The following CNTN5 variants were observed in gnomAD, a reference collection of about 807,000 sequenced individuals.
The protein encoded by CNTN5 is contactin 5, also known as contactin-5.
Under a neutral mutation model 129.1 loss-of-function variants are expected in CNTN5, and 77 were observed. That is an observed-to-expected ratio of 0.60 (90% CI 0.50 to 0.72). The LOEUF is 0.72. Ranked by LOEUF, CNTN5 falls within the 30% of genes least tolerant of loss-of-function variation. The pLI is 0.00. For missense variants in CNTN5, 1,478 were observed against 1,328.8 expected, an observed-to-expected ratio of 1.11 and a Z score of -1.75; for synonymous variants, 509 against 465.6, an observed-to-expected ratio of 1.09 and a Z score of -1.20.
chr11:99,310,510 C>T (rs1248799782), intron 1 of CNTN5, among the ~76,000 whole-genome samples: 1 of 151,912 alleles, frequency 6.6e-6, no homozygotes, highest in African/African-American at 2.4e-5. Context: ...TACCTTTTTG[C>T]CCTTCTTTAC....
intron 21 of CNTN5, among the ~76,000 whole-genome samples, chr11:100,321,474 A>G (rs908492138): frequency 3.9e-5 from 6 of 152,056 alleles, no homozygotes; most frequent in African/African-American, 1.4e-4. Flanking sequence ...AGGGTTTCCT[A>G]TATGTTAGAT....
At chr11:99,031,493 T>C (rs911516506) in intron 1 of CNTN5, among the ~76,000 whole-genome samples, 4 of 151,978 alleles carry the variant, frequency 2.6e-5, no homozygotes, top group Non-Finnish European at 4.4e-5. Context: ...GAAAAATTTA[T>C]TGGGTCTGGA....
At position 99,460,462 on chromosome 11, in the gene CNTN5, A is replaced by T. The variant is rs898241993; in HGVS notation, c.-70-95683A>T. ...AAAGACATATTTACTCTCTTTAAATATCAGAAATATTGCAGTAAACAAACA... is the reference window on the plus strand; with the variant it reads ...AAAGACATATTTACTCTCTTTAAATTTCAGAAATATTGCAGTAAACAAACA... On this transcript the variant is annotated intron_variant, in intron 2 of 24. Transcript: ENST00000524871. 5.9e-5 allele frequency among the ~76,000 whole-genome samples: 9 copies of T among 152,076 alleles called. No individual in the cohort carries two copies. The South Asian group carries it at 1.9e-3, about 32-fold the overall frequency.
intron 2 of CNTN5, among the ~76,000 whole-genome samples, chr11:99,514,580 T>G (rs535296158): frequency 6.6e-6 from 1 of 152,128 alleles, no homozygotes; most frequent in African/African-American, 2.4e-5. Flanking sequence ...CCCAATAACA[T>G]TAAGGCAGGA....
intron 3 of CNTN5, among the ~76,000 whole-genome samples, chr11:99,688,575 T>TC (rs1953896916): frequency 1.3e-5 from 2 of 152,276 alleles, no homozygotes; most frequent in South Asian, 4.1e-4. Context: ...AATTTTTTTT[T>TC]CCACAGTGTT....
chr11:100,215,550 T>A (rs1219935783), intron 15 of CNTN5, among the ~76,000 whole-genome samples: 1 of 152,166 alleles, frequency 6.6e-6, no homozygotes, highest in Non-Finnish European at 1.5e-5. Flanking sequence ...AATAGTGTCA[T>A]GTTCAGCCGT....
At chr11:99,348,525 C>T (rs1938066933) in intron 2 of CNTN5, among the ~76,000 whole-genome samples, 2 of 152,118 alleles carry the variant, frequency 1.3e-5, no homozygotes, top group African/African-American at 4.8e-5. Context: ...TATATCTAAG[C>T]CTGCCAACTG....
chr11:99,641,509 A>G lies in CNTN5; in HGVS notation c.55+85240A>G, dbSNP rs138187834. Among the ~76,000 whole-genome samples, 1,004 of 152,280 alleles carry G rather than the reference A, an allele frequency of 6.6e-3. 7 individuals carry two copies. The highest frequency in any genetic ancestry group is 0.01 in the Non-Finnish European group (685 of 68,030). ...TTTAAAGGAGGAGACGTAGGAGGGC[A>G]TGTCCTGGAAGTTCACGGGTGGAGA... is the stretch of plus-strand genomic sequence containing the variant. On this transcript the variant is annotated intron_variant, in intron 3 of 24. Transcript: ENST00000524871.
chr11:99,513,827 T>C lies in CNTN5; in HGVS notation c.-70-42318T>C, dbSNP rs188203872. On this transcript the variant is annotated intron_variant, in intron 2 of 24. Coordinates refer to ENST00000524871, the MANE Select transcript of CNTN5 (RefSeq NM_014361.4). ...ATGGAGATGTACAAGGAGAGTAATG[T>C]TATTTTTATGCCTGTTAGCAGAATA... Among the ~76,000 whole-genome samples, 8 of 152,240 alleles carry C rather than the reference T, an allele frequency of 5.3e-5. No homozygotes were observed. In the East Asian group the frequency reaches 7.7e-4, roughly 15 times the overall value.
chr11:100,014,596 A>G (rs1233312244), intron 9 of CNTN5, among the ~76,000 whole-genome samples: 1 of 152,108 alleles, frequency 6.6e-6, no homozygotes, highest in Non-Finnish European at 1.5e-5. Context: ...AAATAATAAT[A>G]AATTAAAAAT....
chr11:100,253,963 C>CT (rs1242609549), intron 16 of CNTN5, among the ~76,000 whole-genome samples: 1 of 151,806 alleles, frequency 6.6e-6, no homozygotes, highest in Admixed American at 6.6e-5. Flanking sequence ...TCCTTGACTC[C>CT]TTTTTTTTAT....
intron 3 of CNTN5, among the ~76,000 whole-genome samples, chr11:99,648,332 A>G (rs1251763843): frequency 6.6e-6 from 1 of 151,574 alleles, no homozygotes; most frequent in African/African-American, 2.4e-5. Context: ...AGCATTACTA[A>G]TGATCAGGTA....
intron 2 of CNTN5, among the ~76,000 whole-genome samples, chr11:99,377,211 C>T (rs1195725299): frequency 6.6e-6 from 1 of 152,038 alleles, no homozygotes; most frequent in Non-Finnish European, 1.5e-5. Flanking sequence ...GAAAAAAAAG[C>T]AGTAGTCTCT....
At chr11:100,141,688 T>C (rs771632963) in intron 13 of CNTN5, among the ~76,000 whole-genome samples, 16 of 152,260 alleles carry the variant, frequency 1.1e-4, no homozygotes, top group Middle Eastern at 3.4e-3. Context: ...TAGAAATGAA[T>C]AAAATAGCGT....
chr11:99,099,265 A>T (rs773627153), intron 1 of CNTN5, among the ~76,000 whole-genome samples: 1 of 152,144 alleles, frequency 6.6e-6, no homozygotes, highest in Non-Finnish European at 1.5e-5. Context: ...AATCTTAAAG[A>T]TATTAGTATA....
In CNTN5 at chr11:99,819,650, C is replaced by G. The variant is rs1946727133; in HGVS notation, c.162C>G (p.Tyr54Ter). ...SLFGSKTRPR[Y>*]SSPSLGTLSA... ...TTGGTTCCAAAACCAGACCACGATA[C>G]AGCAGCCCTTCATTAGGAACACTGA... Residue 54 changes from tyrosine (Y) to a stop codon, truncating the protein, a stop_gained, in exon 4 of 25, where the codon TAC becomes TAG. Transcript: ENST00000524871. LOFTEE classifies it high-confidence loss of function. 6.2e-7 allele frequency: 1 copy of G among 1,613,000 alleles called. No individual in the cohort carries two copies. Among genetic ancestry groups the G allele is most frequent in the Non-Finnish European group, 8.5e-7 (1 of 1,179,814 alleles).
In CNTN5 at chr11:100,074,273, G is replaced by A. The variant is rs767784083; in HGVS notation, c.1559G>A (p.Arg520Lys). 1.2e-6 allele frequency: 2 copies of A among 1,604,140 alleles called. No individual in the cohort carries two copies. Among genetic ancestry groups the A allele is most frequent in the Non-Finnish European group, 1.7e-6 (2 of 1,174,992 alleles). ...ACCATCTCTTGGAAGAAAGGAGACA[G>A]AGCAGTTAGAGAAAACAAAAGGTTA... ...KPTISWKKGDRAVRENKRIAI... is the reference protein window; with the variant it reads ...KPTISWKKGDKAVRENKRIAI... Residue 520 changes from arginine (R) to lysine (K), a missense_variant, in exon 13 of 25, where the codon AGA (arginine) becomes AAA (lysine). Physicochemically the swap from Arg to Lys is conservative, Grantham distance 26. Coordinates refer to ENST00000524871, the MANE Select transcript of CNTN5 (RefSeq NM_014361.4).
intron 9 of CNTN5, among the ~76,000 whole-genome samples, chr11:100,051,530 A>G (rs2137743985): frequency 6.6e-6 from 1 of 152,118 alleles, no homozygotes; most frequent in East Asian, 1.9e-4. Context: ...GGAAAATTCA[A>G]AATTTAATGA....
intron 3 of CNTN5, among the ~76,000 whole-genome samples, chr11:99,594,486 C>T (rs896149538): frequency 5.3e-5 from 8 of 152,166 alleles, no homozygotes; most frequent in African/African-American, 1.9e-4. Context: ...TGTTCTTCAC[C>T]TGTGCACTGT....
Sources: allele counts gnomAD v4.1 joint callset (sites outside exome capture counted in the v4.1 genomes callset), GRCh38; gene constraint gnomAD v4.1.1; transcripts MANE v1.5; gene names NCBI Gene and HGNC (gene_info 2026-07-23, HGNC 2026-07-21).